The following MACF1 variants were observed in gnomAD, a reference collection of about 807,000 sequenced individuals.
MACF1 encodes the protein microtubule-actin cross-linking factor 1.
In MACF1, 193 loss-of-function variants were observed where a neutral mutation model predicts 854.8. That is an observed-to-expected ratio of 0.23 (90% confidence interval 0.20 to 0.25). The LOEUF is 0.25. Among genes scored for constraint, MACF1 ranks in the 10% least tolerant of loss-of-function variants. The pLI, the probability that MACF1 is intolerant of heterozygous loss-of-function variation, is 1.00. For missense variants in MACF1, 7,722 were observed against 8,929.1 expected, an observed-to-expected ratio of 0.86 and a Z score of 5.45; for synonymous variants, 3,185 against 3,226.7, an observed-to-expected ratio of 0.99 and a Z score of 0.44.
intron 44 of MACF1, among the ~76,000 whole-genome samples, chr1:39,354,711 C>T (rs1647380505): frequency 6.6e-6 from 1 of 152,160 alleles, no homozygotes; most frequent in African/African-American, 2.4e-5. Context: ...ATACCCTTTC[C>T]TACTTTGTAG....
intron 2 of MACF1, among the ~76,000 whole-genome samples, chr1:39,092,137 C>T (rs1161350511): frequency 6.6e-6 from 1 of 152,138 alleles, no homozygotes; most frequent in Non-Finnish European, 1.5e-5. Flanking sequence ...TAGGAATTAG[C>T]CAGGACAACC....
rs1646081946 is a variant in MACF1 at position 39,303,045 on chromosome 1, C to A, written c.2756C>A (p.Pro919Gln). ...MVPSVCFLIP[P>Q]PNKDAIEMAS... ...CCGTCAGTCTGCTTCCTCATCCCCC[C>A]ACCCAATAAGGATGCCATTGAGATG... Residue 919 changes from proline (P) to glutamine (Q), a missense_variant, in exon 23 of 101, where the codon CCA (proline) becomes CAA (glutamine). Pro to Gln is a moderately conservative substitution (Grantham distance 76). Transcript: ENST00000564288. 2 of 1,614,046 alleles carry A rather than the reference C, an allele frequency of 1.2e-6. No homozygotes were observed. The highest frequency in any genetic ancestry group is 2.2e-5 in the East Asian group (1 of 44,894).
chr1:39,135,911 C>G (rs192706300), intron 2 of MACF1, among the ~76,000 whole-genome samples: 1 of 152,104 alleles, frequency 6.6e-6, no homozygotes, highest in African/African-American at 2.4e-5. Flanking sequence ...TTGCAGAGGT[C>G]GAAGGCTGAG....
intron 90 of MACF1, chr1:39,458,854 A>G: frequency 1.9e-6 from 1 of 521,092 alleles, no homozygotes. Flanking sequence ...TCAGCTCACT[A>G]AGGTAGGACA....
chr1:39,410,226 T>C (rs754623029), intron 58 of MACF1: 28 of 1,467,062 alleles, frequency 1.9e-5, no homozygotes, highest in South Asian at 1.3e-4. Context: ...CTGTGAAAAA[T>C]ACTTTTGAAA....
chr1:39,319,866 C>T, intron 31 of MACF1, 119 bp downstream of exon 31: 2 of 682,032 alleles, frequency 2.9e-6, no homozygotes, highest in Non-Finnish European at 2.4e-6. Flanking sequence ...ACAAGCTGGC[C>T]TGATCCTTCA....
At chr1:39,141,077 G>A (rs1643334234) in intron 2 of MACF1, among the ~76,000 whole-genome samples, 1 of 152,092 alleles carries the variant, frequency 6.6e-6, no homozygotes, top group South Asian at 2.1e-4. Flanking sequence ...CAGCTGTTAA[G>A]CAGCAGAGTT....
At chr1:39,474,346 G>A (rs1346616581) in intron 97 of MACF1, among the ~76,000 whole-genome samples, 1 of 151,994 alleles carries the variant, frequency 6.6e-6, no homozygotes, top group Non-Finnish European at 1.5e-5. Context: ...CCGAGACTAT[G>A]CCACTGCACT....
chr1:39,315,016 CTTAT>C (rs1646383546), intron 26 of MACF1, among the ~76,000 whole-genome samples: 1 of 152,056 alleles, frequency 6.6e-6, no homozygotes, highest in Non-Finnish European at 1.5e-5. Context: ...TTAAATTTTC[CTTAT>C]TTATTTCTTT....
At chr1:39,303,863 G>A (rs1646106475) in intron 23 of MACF1, among the ~76,000 whole-genome samples, 1 of 150,892 alleles carries the variant, frequency 6.6e-6, no homozygotes, top group South Asian at 2.1e-4. Flanking sequence ...GGCGACAAAG[G>A]GAGACTCCGT....
chr1:39,146,255 C>T (rs1473229105), intron 2 of MACF1, among the ~76,000 whole-genome samples: 1 of 152,060 alleles, frequency 6.6e-6, no homozygotes, highest in East Asian at 1.9e-4. Context: ...CAAGCCTGGC[C>T]AACATGGCGA....
chr1:39,111,507 C>T (rs1222258352), intron 2 of MACF1, among the ~76,000 whole-genome samples: 2 of 151,972 alleles, frequency 1.3e-5, no homozygotes, highest in African/African-American at 4.8e-5. Context: ...CTCAGCCTCC[C>T]GAGTAGCTGG....
At chr1:39,187,724 A>T (rs1168321024) in intron 2 of MACF1, among the ~76,000 whole-genome samples, 1 of 152,064 alleles carries the variant, frequency 6.6e-6, no homozygotes, top group African/African-American at 2.4e-5. Flanking sequence ...ATTATTTAAA[A>T]TTTTTTTGTA....
chr1:39,462,185 T>C, intron 93 of MACF1, 148 bp downstream of exon 93: 1 of 786,750 alleles, frequency 1.3e-6, no homozygotes, highest in Non-Finnish European at 2.0e-6. Context: ...TCTTTTTGGA[T>C]AGCATTTCAA....
chr1:39,370,129 A>G lies in MACF1; in HGVS notation c.13038A>G (p.Pro4346=). 1 of 1,614,076 alleles carries G rather than the reference A, an allele frequency of 6.2e-7. No individual in the cohort carries two copies. Among genetic ancestry groups the G allele is most frequent in the Non-Finnish European group, 8.5e-7 (1 of 1,179,974 alleles). ...KWLKETEGSI[P]PTETSMSAKE... ...TGAAAGAAACTGAAGGGAGTATTCC[A>G]CCTACGGAAACTTCTATGAGTGCTA... Residue 4346 remains proline (P), a synonymous_variant, in exon 51 of 101, where the codon CCA becomes CCG. Transcript: ENST00000564288.
chr1:39,438,118 C>A, intron 71 of MACF1, 110 bp downstream of exon 71: 1 of 958,864 alleles, frequency 1.0e-6, no homozygotes, highest in Non-Finnish European at 1.5e-6. Flanking sequence ...AAAGGCAGTC[C>A]CCAGTAATGA....
chr1:39,325,191 C>G (rs895675953), intron 35 of MACF1, among the ~76,000 whole-genome samples: 2 of 152,144 alleles, frequency 1.3e-5, no homozygotes, highest in East Asian at 3.8e-4. Flanking sequence ...CTCAAAAGGG[C>G]TTTTTGGGGC....
chr1:39,476,860 G>A (rs570101811), intron 97 of MACF1, among the ~76,000 whole-genome samples: 8 of 151,420 alleles, frequency 5.3e-5, no homozygotes, highest in African/African-American at 1.5e-4. Context: ...GGGAGGCTGA[G>A]GCGGGTGGAT....
At chr1:39,270,047 A>G (rs1169743024) in intron 6 of MACF1, among the ~76,000 whole-genome samples, 4 of 152,228 alleles carry the variant, frequency 2.6e-5, no homozygotes, top group Non-Finnish European at 5.9e-5. Flanking sequence ...CTTCCCTGCT[A>G]CGAGAAGTTG....
Sources: allele counts gnomAD v4.1 joint callset (sites outside exome capture counted in the v4.1 genomes callset), GRCh38; gene constraint gnomAD v4.1.1; transcripts MANE v1.5; gene names NCBI Gene and HGNC (gene_info 2026-07-23, HGNC 2026-07-21).